The following DGKG variants were observed in gnomAD, a reference collection of about 807,000 sequenced individuals.
DGKG encodes the protein DAG kinase gamma.
A neutral mutation model predicts 105.3 loss-of-function variants in DGKG; 78 were observed. That is an observed-to-expected ratio of 0.74 (90% CI 0.62 to 0.89). DGKG has a LOEUF of 0.89. DGKG is among the 40% of genes least tolerant of loss of function. DGKG has a pLI of 0.00. For synonymous variants in DGKG, 346 were observed against 367.1 expected (o/e 0.94, Z 0.66); for missense variants, 958 against 1,020.1 (o/e 0.94, Z 0.83).
intron 14 of DGKG, among the ~76,000 whole-genome samples, chr3:186,263,135 AAAACAAAC>A (rs113732220): frequency 1.3e-4 from 19 of 149,748 alleles, no homozygotes; most frequent in African/African-American, 4.2e-4. Flanking sequence ...TCGGAAAAGA[AAAACAAAC>A]AAACAAACAA....
chr3:186,252,042 T>TCTAGCCCACAGACACA, intron 18 of DGKG, 123 bp from the exon 19 acceptor site: 1 of 908,670 alleles, frequency 1.1e-6, no homozygotes, highest in Non-Finnish European at 1.6e-6. Flanking sequence ...CCACTGTGTC[T>TCTAGCCCACAGACACA]GTGGGCTAGA....
At chr3:186,213,228 G>A (rs1488617246) in intron 20 of DGKG, among the ~76,000 whole-genome samples, 1 of 152,240 alleles carries the variant, frequency 6.6e-6, no homozygotes, top group African/African-American at 2.4e-5. Flanking sequence ...TAGAAGAGCT[G>A]GGTGTACTGT....
intron 19 of DGKG, among the ~76,000 whole-genome samples, chr3:186,245,544 T>C (rs1720899153): frequency 6.6e-6 from 1 of 152,256 alleles, no homozygotes; most frequent in African/African-American, 2.4e-5. Flanking sequence ...AAACCCTTTC[T>C]TGATGATAAT....
At chr3:186,345,739 G>A (rs1221613793) in intron 1 of DGKG, among the ~76,000 whole-genome samples, 2 of 152,236 alleles carry the variant, frequency 1.3e-5, no homozygotes, top group East Asian at 3.9e-4. Flanking sequence ...CATATCTACT[G>A]TTTGAATATA....
At position 186,288,898 on chromosome 3, in the gene DGKG, A is replaced by C. The variant is rs552561641; in HGVS notation, c.374-18T>G. 2.0e-6 allele frequency: 3 copies of C among 1,530,398 alleles called. No homozygotes were observed. The South Asian group carries it at 3.9e-5, about 20-fold the overall frequency. 94.8% of individuals were successfully genotyped at this position (1,530,398 alleles called of 1,614,324 possible). A position where few individuals can be genotyped will look rare whatever the true frequency, so the allele number is the denominator to read the frequency against. ...ATTTGATTCTGCGATGAACAAAAGG[A>C]AAACATCCAAGGACATTTTCTGTTT... is the stretch of plus-strand genomic sequence containing the variant. On this transcript the variant is annotated intron_variant, in intron 5 of 24. Coordinates refer to ENST00000265022, the MANE Select transcript of DGKG (RefSeq NM_001346.3).
chr3:186,238,055 G>C (rs2083116383), intron 20 of DGKG, among the ~76,000 whole-genome samples: 2 of 151,990 alleles, frequency 1.3e-5, no homozygotes, highest in Admixed American at 1.3e-4. Flanking sequence ...CACTTTCGGA[G>C]GCCATGGCAG....
At chr3:186,347,619 G>A (rs1041984748) in intron 1 of DGKG, among the ~76,000 whole-genome samples, 15 of 151,476 alleles carry the variant, frequency 9.9e-5, no homozygotes, top group African/African-American at 3.6e-4. Context: ...GTCTCACCGT[G>A]TTGCTCAAGC....
intron 24 of DGKG, chr3:186,158,765 G>T: frequency 2.1e-6 from 2 of 944,428 alleles, no homozygotes; most frequent in Non-Finnish European, 2.5e-6. Context: ...CTCAGAATAT[G>T]TATTGATAGT....
chr3:186,266,220 G>A (rs1369513276), intron 13 of DGKG, among the ~76,000 whole-genome samples: 1 of 152,090 alleles, frequency 6.6e-6, no homozygotes, highest in Admixed American at 6.6e-5. Context: ...TTCATATAAT[G>A]GATTCATAGA....
At chr3:186,281,845 C>G (rs1238496687) in intron 7 of DGKG, among the ~76,000 whole-genome samples, 1 of 152,056 alleles carries the variant, frequency 6.6e-6, no homozygotes, top group African/African-American at 2.4e-5. Context: ...GCAGAGTTGG[C>G]AGATTTAAAA....
rs150468832 is a variant in DGKG, at chr3:186,253,185, G to T, written c.1511-3C>A. The T allele has an allele frequency of 2.5e-6, 4 of 1,612,884 alleles. No homozygotes were observed. The East Asian group carries it at 8.9e-5, about 36-fold the overall frequency. On this transcript the variant is annotated splice_polypyrimidine_tract_variant and splice_region_variant and intron_variant, in intron 17 of 24. Transcript: ENST00000265022. ...ATGCTTTGCAAAGTTGGCCTTATCTGCAAGACACACAGAGGAACAGAGAAC... is the reference window on the plus strand; with the variant it reads ...ATGCTTTGCAAAGTTGGCCTTATCTTCAAGACACACAGAGGAACAGAGAAC...
At chr3:186,184,501 G>C (rs1717523428) in intron 22 of DGKG, among the ~76,000 whole-genome samples, 1 of 109,642 alleles carries the variant, frequency 9.1e-6, no homozygotes, top group Non-Finnish European at 2.2e-5. Context: ...TTGGGTTCAA[G>C]CAATTCTCCT....
chr3:186,314,197 A>G (rs1356107155), intron 2 of DGKG, among the ~76,000 whole-genome samples: 24 of 151,356 alleles, frequency 1.6e-4, no homozygotes, highest in African/African-American at 4.4e-4. Context: ...ACACACACAC[A>G]CACACACACA....
At chr3:186,171,487 T>C (rs1241704828) in intron 22 of DGKG, among the ~76,000 whole-genome samples, 1 of 152,244 alleles carries the variant, frequency 6.6e-6, no homozygotes, top group African/African-American at 2.4e-5. Flanking sequence ...ATATAACCAG[T>C]GCACATGCTC....
intron 1 of DGKG, among the ~76,000 whole-genome samples, chr3:186,338,169 C>CAAAAAAAA (rs34436386): frequency 5.3e-5 from 4 of 75,784 alleles, no homozygotes; most frequent in Admixed American, 1.4e-4. Context: ...GACCCTATCT[C>CAAAAAAAA]AAAAAAAAAA....
intron 19 of DGKG, among the ~76,000 whole-genome samples, chr3:186,246,118 C>T (rs1411480704): frequency 6.6e-6 from 1 of 152,042 alleles, no homozygotes; most frequent in African/African-American, 2.4e-5. Context: ...ATTACTGGCA[C>T]CTGCCACCAC....
intron 14 of DGKG, among the ~76,000 whole-genome samples, chr3:186,262,898 G>A (rs1385816324): frequency 6.6e-6 from 1 of 152,190 alleles, no homozygotes; most frequent in Non-Finnish European, 1.5e-5. Flanking sequence ...GGAGGCCGGG[G>A]CAGGAGCATC....
chr3:186,302,818 A>T (rs1301133919), intron 3 of DGKG, among the ~76,000 whole-genome samples: 7 of 152,032 alleles, frequency 4.6e-5, no homozygotes, highest in Non-Finnish European at 8.8e-5. Flanking sequence ...GAGCTGACAA[A>T]CTGTTATGAG....
At chr3:186,354,664 A>G (rs999376282) in intron 1 of DGKG, among the ~76,000 whole-genome samples, 1 of 152,214 alleles carries the variant, frequency 6.6e-6, no homozygotes, top group Non-Finnish European at 1.5e-5. Flanking sequence ...CTTACACATC[A>G]TGATTCCAGG....
Sources: gnomAD v4.1 joint callset for allele counts (sites outside exome capture counted in the v4.1 genomes callset) on GRCh38, gnomAD v4.1.1 for gene constraint, MANE v1.5 for transcripts, NCBI Gene and HGNC (gene_info 2026-07-23, HGNC 2026-07-21) for gene names.